Variants in AKR1C2 observed in about 807,000 individuals in gnomAD.
AKR1C2 encodes 3-alpha-HSD3.
A neutral mutation model predicts 39.8 loss-of-function variants in AKR1C2; 27 were observed. The observed-to-expected ratio is 0.68, with a 90% CI of 0.50 to 0.93. The LOEUF (loss-of-function observed/expected upper bound fraction) is 0.93. Ranked by LOEUF, AKR1C2 falls within the 40% of genes least tolerant of loss-of-function variation. AKR1C2 has a pLI of 0.00. For missense variants in AKR1C2, 263 were observed against 365.1 expected (o/e 0.72, Z 2.28); for synonymous variants, 114 against 137.9 (o/e 0.83, Z 1.22).
chr10:4,995,129 T>C (rs1441384815), intron 7 of AKR1C2, among the ~76,000 whole-genome samples, 190 bp downstream of exon 7: 4 of 110,552 alleles, frequency 3.6e-5, no homozygotes, highest in African/African-American at 1.5e-4. Flanking sequence ...GATCCCATCC[T>C]ATTACTCTCC....
At chr10:5,017,792 T>A (rs1837672168) in intron 1 of AKR1C2, 1 of 152,546 alleles carries the variant, frequency 6.6e-6, no homozygotes, top group African/African-American at 2.4e-5. Flanking sequence ...CCCACTGCTA[T>A]AAAGAACTAC....
rs1554771698 is a variant in AKR1C2 at position 4,988,344 on chromosome 10, C to T, written c.*1652G>A. 1 of 152,104 alleles carries T rather than the reference C, an allele frequency of 6.6e-6. No homozygotes were observed. The highest frequency in any genetic ancestry group is 1.9e-4 in the East Asian group (1 of 5,198). The allele number at this position is 152,104 out of a possible 1,614,324, so 9.4% of individuals were successfully genotyped here. A position where few individuals can be genotyped will look rare whatever the true frequency, so the allele number is the denominator to read the frequency against. The stretch of plus-strand genomic sequence containing the variant: ...TTTGAGACATGCTAAGTGTGAATGT[C>T]CATTAAACTTTAACATGGAGATGCA... On this transcript the variant is annotated 3_prime_UTR_variant, in exon 9 of 9. Coordinates refer to ENST00000380753, the MANE Select transcript of AKR1C2 (RefSeq NM_001393392.1).
intron 1 of AKR1C2, among the ~76,000 whole-genome samples, chr10:5,009,830 A>C (rs1386856974): frequency 2.6e-5 from 4 of 151,044 alleles, no homozygotes; most frequent in African/African-American, 9.7e-5. Flanking sequence ...AGAGAAGAGG[A>C]GGGACATTGG....
intron 2 of AKR1C2, among the ~76,000 whole-genome samples, chr10:5,001,195 A>T (rs1837259082): frequency 6.6e-6 from 1 of 152,220 alleles, no homozygotes; most frequent in African/African-American, 2.4e-5. Context: ...AACAAATGTA[A>T]GAAACTCACC....
chr10:5,000,577 A>T lies in AKR1C2; in HGVS notation c.342T>A (p.Tyr114Ter), dbSNP rs111567573. The T allele has an allele frequency of 1.5e-5, 24 of 1,613,530 alleles. No individual in the cohort carries two copies. The highest frequency in any genetic ancestry group is 2.0e-5 in the Non-Finnish European group (23 of 1,179,458). ...KNLQLDYVDL[Y>*]LIHFPVSVKP... The stretch of plus-strand genomic sequence containing the variant: ...TTACAGACACTGGAAAATGAATAAG[A>T]TAGAGGTCAACATAGTCCAATTGAA... The change falls in exon 3 of 9, where the codon TAT (tyrosine) becomes TAA (stop). Residue 114 changes from tyrosine to a stop codon, truncating the protein, a stop_gained. Coordinates refer to ENST00000380753, the MANE Select transcript of AKR1C2 (RefSeq NM_001393392.1). LOFTEE classifies it high-confidence loss of function.
At chr10:4,998,833 T>C (rs115270865) in intron 4 of AKR1C2, 86 bp from the exon 5 acceptor site, 1 of 1,562,946 alleles carries the variant, frequency 6.4e-7, no homozygotes, top group African/African-American at 1.4e-5. Context: ...AAGCAACAAC[T>C]GTCTAGACGT....
intron 1 of AKR1C2, among the ~76,000 whole-genome samples, chr10:5,002,679 GA>G (rs1837308520): frequency 6.6e-6 from 1 of 152,152 alleles, no homozygotes; most frequent in Admixed American, 6.6e-5. Flanking sequence ...GACAAAAACA[GA>G]AACAAAGCAA....
intron 1 of AKR1C2, among the ~76,000 whole-genome samples, chr10:5,011,352 A>T (rs782350464): frequency 2.6e-5 from 4 of 152,246 alleles, no homozygotes; most frequent in Non-Finnish European, 5.9e-5. Flanking sequence ...TTCTGGTGAT[A>T]GCTACACTAA....
At chr10:5,011,839 C>T (rs575137669) in intron 1 of AKR1C2, among the ~76,000 whole-genome samples, 4 of 152,254 alleles carry the variant, frequency 2.6e-5, no homozygotes, top group East Asian at 3.9e-4. Context: ...AAAATCGAAG[C>T]GTAAGAGGCT....
intron 5 of AKR1C2, among the ~76,000 whole-genome samples, chr10:4,996,778 A>G (rs1464566502): frequency 6.6e-6 from 1 of 151,978 alleles, no homozygotes; most frequent in East Asian, 1.9e-4. Flanking sequence ...GTAGTTTATT[A>G]TTTTTACTTG....
intron 2 of AKR1C2, 149 bp downstream of exon 2, chr10:5,001,365 T>G: frequency 7.3e-7 from 1 of 1,376,246 alleles, no homozygotes; most frequent in East Asian, 2.5e-5. Flanking sequence ...TTCCTGCCTT[T>G]GATATTAGTT....
upstream of AKR1C2, among the ~76,000 whole-genome samples, chr10:5,008,115 G>C (rs1231425121): frequency 6.6e-6 from 1 of 151,510 alleles, no homozygotes; most frequent in Admixed American, 6.6e-5. Context: ...AGTTGCAAGC[G>C]GCTGATAGAT....
At position 4,991,181 on chromosome 10, in the gene AKR1C2, C is replaced by A. The variant is rs193129028; in HGVS notation, c.929+650G>T. Among the ~76,000 whole-genome samples, 90 of 151,400 alleles carry A rather than the reference C, an allele frequency of 5.9e-4. 5 individuals are homozygous for A. The highest frequency in any genetic ancestry group is 2.1e-3 in the African/African-American group (86 of 40,698). On this transcript the variant is annotated intron_variant, in intron 8 of 8. Coordinates refer to ENST00000380753, the MANE Select transcript of AKR1C2 (RefSeq NM_001393392.1). The stretch of plus-strand genomic sequence containing the variant: ...CACTCTGCATTTGATTTTAACACTT[C>A]CTCATTCTCTACACTGAGATCTCCA...
At chr10:5,005,293 G>A (rs1480163236), upstream of AKR1C2, among the ~76,000 whole-genome samples, 2 of 152,170 alleles carry the variant, frequency 1.3e-5, no homozygotes, top group Non-Finnish European at 2.9e-5. Context: ...CTGAGAACCT[G>A]CCGCACATAT....
At chr10:4,995,657 C>T in intron 6 of AKR1C2, 99 bp downstream of exon 6, 2 of 1,369,096 alleles carry the variant, frequency 1.5e-6, no homozygotes, top group South Asian at 2.9e-5. Context: ...TTCCCTCACC[C>T]CAAGTCAGCT....
At chr10:4,999,402 G>GTATGTACAAAGTGTACTACATATGA (rs1453662383) in intron 3 of AKR1C2, 125 bp from the exon 4 acceptor site, 1 of 1,597,972 alleles carries the variant, frequency 6.3e-7, no homozygotes, top group African/African-American at 1.3e-5. Flanking sequence ...CCAGAGAGTG[G>GTATGTACAAAGTGTACTACATATGA]TATGTACAAA....
intron 1 of AKR1C2, among the ~76,000 whole-genome samples, chr10:5,016,478 G>A (rs1466080124): frequency 6.6e-6 from 1 of 152,196 alleles, no homozygotes; most frequent in African/African-American, 2.4e-5. Flanking sequence ...AATCTCTATT[G>A]ACTCCATGTC....
At chr10:5,000,171 G>A (rs1837212020) in intron 3 of AKR1C2, 2 of 1,373,760 alleles carry the variant, frequency 1.5e-6, no homozygotes, top group African/African-American at 2.9e-5. Flanking sequence ...GAAACTCATT[G>A]TGCACCCTAT....
upstream of AKR1C2, chr10:5,004,735 T>C (rs1837363355): frequency 6.8e-6 from 1 of 146,758 alleles, no homozygotes; most frequent in African/African-American, 2.5e-5. Flanking sequence ...ATTTTTACTT[T>C]ATTCTCCCTT....
Sources: gnomAD v4.1 joint callset for allele counts (sites outside exome capture counted in the v4.1 genomes callset) on GRCh38, gnomAD v4.1.1 for gene constraint, MANE v1.5 for transcripts, NCBI Gene and HGNC (gene_info 2026-07-23, HGNC 2026-07-21) for gene names.